Variants in DPP6 observed in about 807,000 individuals in gnomAD.
DPP6 encodes the protein A-type potassium channel modulatory protein DPP6.
DPP6 carries 69 observed loss-of-function variants against 122.6 expected under a neutral mutation model. The observed-to-expected ratio is 0.56, with a 90% CI of 0.46 to 0.69. DPP6 has a LOEUF of 0.69. Among genes scored for constraint, DPP6 ranks in the 30% least tolerant of loss-of-function variants. DPP6 has a pLI of 0.00. For synonymous variants in DPP6, 418 were observed against 433.1 expected, an observed-to-expected ratio of 0.97 and a Z score of 0.43; for missense variants, 928 against 1,116.9, an observed-to-expected ratio of 0.83 and a Z score of 2.41.
chr7:153,910,224 T>C (rs1363880213), intron 1 of DPP6, among the ~76,000 whole-genome samples: 2 of 142,330 alleles, frequency 1.4e-5, no homozygotes, highest in Non-Finnish European at 3.1e-5. Flanking sequence ...TTTGACCACT[T>C]TCTTTCTTTC....
the DPP6 span, among the ~76,000 whole-genome samples, chr7:153,759,292 G>T: frequency 0.012 from 1,856 of 150,948 alleles, 38 homozygotes; most frequent in African/African-American, 0.043. Flanking sequence ...GTTTCTTCCA[G>T]TCTATAGGGG....
intron 8 of DPP6, among the ~76,000 whole-genome samples, chr7:154,735,839 G>A (rs1387992827): frequency 1.3e-5 from 2 of 152,202 alleles, no homozygotes; most frequent in Admixed American, 6.5e-5. Flanking sequence ...AGAATGTCAG[G>A]AGCATAACAT....
intron 21 of DPP6, chr7:154,885,282 A>G (rs1806049820): frequency 4.5e-6 from 1 of 222,186 alleles, no homozygotes. Flanking sequence ...ACCCACAGAC[A>G]AGGGAGGCGG....
chr7:153,824,605 A>G, the DPP6 span, among the ~76,000 whole-genome samples: 1 of 151,854 alleles, frequency 6.6e-6, no homozygotes, highest in Non-Finnish European at 1.5e-5. Flanking sequence ...AATAGCTTGA[A>G]CCTGGGAGGC....
At chr7:153,960,522 A>G (rs909005845) in intron 1 of DPP6, among the ~76,000 whole-genome samples, 1 of 151,418 alleles carries the variant, frequency 6.6e-6, no homozygotes. Context: ...GAAAGCTGGA[A>G]AGAGTGAGTG....
At chr7:154,391,931 G>C (rs1243511240) in intron 1 of DPP6, among the ~76,000 whole-genome samples, 1 of 152,154 alleles carries the variant, frequency 6.6e-6, no homozygotes, top group East Asian at 1.9e-4. Flanking sequence ...ATTACCAGAA[G>C]AAAGAAGAGA....
At position 154,006,285 on chromosome 7, in the gene DPP6, G is replaced by A. The variant is rs375094257; in HGVS notation, c.51+118551G>A. ...TGCTTGGTGGGCCCCAAGATGTTGG[G>A]GTTCAAGGTTTTTATTATGTCTAGG... On this transcript the variant is annotated intron_variant, in intron 1 of 25. Transcript: ENST00000404039. 7.0e-3 allele frequency among the ~76,000 whole-genome samples: 1,056 copies of A among 151,938 alleles called. 6 individuals are homozygous for A. Among genetic ancestry groups the A allele is most frequent in the Middle Eastern group, 0.027 (8 of 294 alleles).
chr7:154,793,950 G>A, intron 10 of DPP6, 129 bp from the exon 11 acceptor site: 2 of 1,403,398 alleles, frequency 1.4e-6, no homozygotes, highest in Non-Finnish European at 1.9e-6. Context: ...AAGCTCGCAG[G>A]CTGGCTGTGT....
intron 5 of DPP6, among the ~76,000 whole-genome samples, chr7:154,610,268 A>T (rs1184721862): frequency 6.6e-6 from 1 of 152,172 alleles, no homozygotes; most frequent in East Asian, 1.9e-4. Flanking sequence ...TTGTGGGCTG[A>T]TATGGTTCCA....
At chr7:154,590,176 A>G (rs538317536) in intron 5 of DPP6, among the ~76,000 whole-genome samples, 1 of 152,062 alleles carries the variant, frequency 6.6e-6, no homozygotes, top group Non-Finnish European at 1.5e-5. Context: ...AAGGCAGATG[A>G]CCCTGCAGTG....
rs143242228 is a variant in DPP6 at position 154,524,478 on chromosome 7, A to G, written c.458-16054A>G. The stretch of plus-strand genomic sequence containing the variant: ...AGGTGGTGGTTAGGGAACTCCACGT[A>G]TCTCATGGCTGATGTGCTCACATGG... On this transcript the variant is annotated intron_variant, in intron 3 of 25. Transcript: ENST00000377770. Among the ~76,000 whole-genome samples the G allele has an allele frequency of 4.6e-3, 702 of 152,314 alleles. 3 individuals carry two copies. The highest frequency in any genetic ancestry group is 0.024 in the Middle Eastern group (7 of 294).
the DPP6 span, among the ~76,000 whole-genome samples, chr7:153,880,047 A>G: frequency 6.6e-6 from 1 of 152,192 alleles, no homozygotes; most frequent in Non-Finnish European, 1.5e-5. Context: ...TCTTATAGGA[A>G]AATTAACAAG....
intron 4 of DPP6, among the ~76,000 whole-genome samples, chr7:154,540,991 C>T (rs544702205): frequency 3.9e-5 from 6 of 152,264 alleles, no homozygotes; most frequent in Admixed American, 2.0e-4. Flanking sequence ...AGCTCGTCTC[C>T]GCATGCATAG....
chr7:154,112,899 C>A (rs568433563), intron 1 of DPP6, among the ~76,000 whole-genome samples: 208 of 152,162 alleles, frequency 1.4e-3, no homozygotes, highest in Admixed American at 3.9e-3. Flanking sequence ...ATTTCCCCTT[C>A]TCCCAAGCCC....
At chr7:154,080,203 C>T (rs1803888901) in intron 1 of DPP6, among the ~76,000 whole-genome samples, 1 of 152,086 alleles carries the variant, frequency 6.6e-6, no homozygotes, top group African/African-American at 2.4e-5. Context: ...TCTGATCCTA[C>T]CTCATTTACT....
chr7:153,779,588 C>CA, the DPP6 span, among the ~76,000 whole-genome samples: 1 of 123,312 alleles, frequency 8.1e-6, no homozygotes, highest in African/African-American at 3.2e-5. Context: ...TTATTCTGGC[C>CA]AAAACCACAT....
At chr7:154,699,716 G>A (rs1387537000) in intron 7 of DPP6, among the ~76,000 whole-genome samples, 2 of 152,348 alleles carry the variant, frequency 1.3e-5, no homozygotes, top group East Asian at 3.9e-4. Context: ...CTGAGTGGCT[G>A]GGCCCAGAGT....
At chr7:154,232,164 G>A (rs1800956328) in intron 1 of DPP6, among the ~76,000 whole-genome samples, 1 of 152,104 alleles carries the variant, frequency 6.6e-6, no homozygotes, top group South Asian at 2.1e-4. Context: ...ATGACAAAGG[G>A]GCAGGTACTG....
intron 1 of DPP6, among the ~76,000 whole-genome samples, chr7:154,007,408 C>G (rs1048334563): frequency 1.2e-4 from 19 of 152,174 alleles, no homozygotes; most frequent in Admixed American, 3.9e-4. Flanking sequence ...GGGTCTCACC[C>G]CTGAGAAGCT....
Sources: gnomAD v4.1 joint callset for allele counts (sites outside exome capture counted in the v4.1 genomes callset) on GRCh38, gnomAD v4.1.1 for gene constraint, MANE v1.5 for transcripts, NCBI Gene and HGNC (gene_info 2026-07-23, HGNC 2026-07-21) for gene names.